ADAMTSL3: variants seen among roughly 807,000 people sequenced by gnomAD.
ADAMTSL3 encodes ADAMTS like 3.
ADAMTSL3 carries 128 observed loss-of-function variants against 201.7 expected under a neutral mutation model. The observed-to-expected ratio is 0.63, with a 90% CI of 0.55 to 0.73. ADAMTSL3 has a LOEUF of 0.73. ADAMTSL3 is among the 30% of genes least tolerant of loss of function. The probability of loss-of-function intolerance (pLI) is 0.00; values close to 1 mark genes in which losing one functional copy is unlikely to be tolerated. For missense variants in ADAMTSL3, 1,990 were observed against 2,119.6 expected (o/e 0.94, Z 1.20); for synonymous variants, 738 against 748.4 (o/e 0.99, Z 0.23).
chr15:83,775,180 C>T (rs1021523282), intron 4 of ADAMTSL3, among the ~76,000 whole-genome samples: 2 of 152,094 alleles, frequency 1.3e-5, no homozygotes, highest in South Asian at 4.1e-4. Flanking sequence ...AGTTCTTTCC[C>T]ACTGCTGGCC....
At chr15:83,813,516 A>G (rs867724581) in intron 5 of ADAMTSL3, among the ~76,000 whole-genome samples, 3 of 152,358 alleles carry the variant, frequency 2.0e-5, no homozygotes, top group Middle Eastern at 3.4e-3. Flanking sequence ...GATGAAGATG[A>G]AGAAATTCCA....
chr15:83,905,803 C>A (rs1414197694), intron 15 of ADAMTSL3, among the ~76,000 whole-genome samples: 1 of 152,094 alleles, frequency 6.6e-6, no homozygotes, highest in Non-Finnish European at 1.5e-5. Context: ...GTCAAATTTC[C>A]TTTTAGAGAG....
intron 19 of ADAMTSL3, among the ~76,000 whole-genome samples, chr15:83,950,278 T>A (rs1389076098): frequency 6.6e-6 from 1 of 152,084 alleles, no homozygotes; most frequent in East Asian, 1.9e-4. Flanking sequence ...TTCCCCAATG[T>A]ATGATCTTGG....
intron 3 of ADAMTSL3, among the ~76,000 whole-genome samples, chr15:83,724,043 G>A (rs555864433): frequency 8.4e-4 from 126 of 150,504 alleles, no homozygotes; most frequent in Non-Finnish European, 1.6e-3. Flanking sequence ...TCTACTCCTG[G>A]TTCTGATTTC....
intron 2 of ADAMTSL3, among the ~76,000 whole-genome samples, chr15:83,675,525 A>C (rs2061390888): frequency 6.6e-6 from 1 of 151,038 alleles, no homozygotes; most frequent in Non-Finnish European, 1.5e-5. Context: ...AATTCTATTT[A>C]CTAATATTTT....
intron 20 of ADAMTSL3, among the ~76,000 whole-genome samples, chr15:83,978,782 C>A (rs2067333970): frequency 6.6e-6 from 1 of 152,196 alleles, no homozygotes; most frequent in South Asian, 2.1e-4. Context: ...GAGCAATGGC[C>A]AAAGCAGAGT....
chr15:84,018,226 A>G (rs2068123119), intron 25 of ADAMTSL3, among the ~76,000 whole-genome samples: 1 of 152,254 alleles, frequency 6.6e-6, no homozygotes, highest in Non-Finnish European at 1.5e-5. Context: ...ACACAAACAC[A>G]TGCCCAAATA....
At chr15:83,794,232 T>C (rs1001000673) in intron 4 of ADAMTSL3, among the ~76,000 whole-genome samples, 5 of 152,226 alleles carry the variant, frequency 3.3e-5, no homozygotes, top group African/African-American at 9.7e-5. Flanking sequence ...ATACAGCCAT[T>C]CTGGAAAATA....
chr15:83,662,487 G>T (rs1263372285), intron 2 of ADAMTSL3, among the ~76,000 whole-genome samples: 2 of 149,140 alleles, frequency 1.3e-5, no homozygotes, highest in Admixed American at 1.3e-4. Flanking sequence ...GAGTTAGTGG[G>T]TTCAGCGCAC....
chr15:83,690,141 C>A (rs907892124), intron 2 of ADAMTSL3, among the ~76,000 whole-genome samples: 1 of 152,126 alleles, frequency 6.6e-6, no homozygotes, highest in Non-Finnish European at 1.5e-5. Context: ...ATCCTCATTG[C>A]CCCATCATTT....
chr15:83,991,449 C>T (rs2067581584), intron 23 of ADAMTSL3, among the ~76,000 whole-genome samples: 1 of 152,216 alleles, frequency 6.6e-6, no homozygotes, highest in African/African-American at 2.4e-5. Context: ...CCAGTGTGGA[C>T]TGTGACTGCC....
Position 83,823,972 on chromosome 15 carries a change from T to TCATCTTCTTCTCCTCCTC in ADAMTSL3, c.600+3926_600+3927insATCTTCTTCTCCTCCTCC, listed in dbSNP as rs1567170043. Among the ~76,000 whole-genome samples, 11 of 71,214 alleles carry TCATCTTCTTCTCCTCCTC rather than the reference T, an allele frequency of 1.5e-4. 1 individual carries two copies. In the South Asian group the frequency reaches 1.8e-3, roughly 11 times the overall value. The allele number at this position is 71,214 out of a possible 152,430, so 46.7% of individuals were successfully genotyped here. Reference sequence around the variant, plus strand: ...TTCTTCTTCTTCTTCTTCTTCTTCTTCTCCTCCTCCTCCTCCTCCTTCTCC... The same window carrying TCATCTTCTTCTCCTCCTC: ...TTCTTCTTCTTCTTCTTCTTCTTCTTCATCTTCTTCTCCTCCTCCTCCTCCTCCTCCTCCTCCTTCTCC... On this transcript the variant is annotated intron_variant, in intron 6 of 29. Coordinates refer to ENST00000286744, the MANE Select transcript of ADAMTSL3 (RefSeq NM_207517.3).
At chr15:83,704,003 CAAA>C (rs373378778) in intron 2 of ADAMTSL3, among the ~76,000 whole-genome samples, 6 of 127,802 alleles carry the variant, frequency 4.7e-5, no homozygotes, top group Non-Finnish European at 8.1e-5. Context: ...ACTCCTTTGC[CAAA>C]AAAAAAAAAA....
chr15:83,672,502 T>C (rs1302361302), intron 2 of ADAMTSL3, among the ~76,000 whole-genome samples: 1 of 152,090 alleles, frequency 6.6e-6, no homozygotes, highest in East Asian at 1.9e-4. Flanking sequence ...GGTGTGCAGA[T>C]TGTAGATCGT....
rs759090787 is a variant in ADAMTSL3, at chr15:83,823,893, C to CTCT, written c.600+3925_600+3927dup. 8.5e-3 allele frequency among the ~76,000 whole-genome samples: 792 copies of CTCT among 92,974 alleles called. 20 individuals carry two copies. The highest frequency in any genetic ancestry group is 0.014 in the South Asian group (30 of 2,154). The allele number at this position is 92,974 out of a possible 152,430, so 61.0% of individuals were successfully genotyped here. A position where few individuals can be genotyped will look rare whatever the true frequency, so the allele number is the denominator to read the frequency against. ...AGACTCCATTTCCTTCTTCTTCTTC[C>CTCT]TCTTCTTCTTCTTCTTCTTCTTCTT... On this transcript the variant is annotated intron_variant, in intron 6 of 29. Coordinates refer to ENST00000286744, the MANE Select transcript of ADAMTSL3 (RefSeq NM_207517.3).
intron 2 of ADAMTSL3, among the ~76,000 whole-genome samples, chr15:83,679,004 TTC>T (rs2061444405): frequency 1.3e-5 from 2 of 151,172 alleles, no homozygotes; most frequent in Non-Finnish European, 3.0e-5. Context: ...GCCTCAGATG[TTC>T]TGTTTATTTT....
intron 3 of ADAMTSL3, among the ~76,000 whole-genome samples, chr15:83,765,765 T>C (rs1567130253): frequency 6.6e-6 from 1 of 152,216 alleles, no homozygotes; most frequent in Non-Finnish European, 1.5e-5. Context: ...TATGATTTCC[T>C]AAGAGATCCT....
intron 16 of ADAMTSL3, among the ~76,000 whole-genome samples, chr15:83,920,687 G>A (rs922781334): frequency 2.0e-5 from 3 of 152,238 alleles, no homozygotes; most frequent in African/African-American, 7.2e-5. Flanking sequence ...AGCATTATAC[G>A]TGCCCACACT....
intron 17 of ADAMTSL3, among the ~76,000 whole-genome samples, chr15:83,928,584 C>G (rs751046461): frequency 1.3e-4 from 20 of 152,126 alleles, no homozygotes; most frequent in Non-Finnish European, 2.6e-4. Flanking sequence ...ATGAAACTCT[C>G]AGTTTTATTT....
Sources: gnomAD v4.1 joint callset for allele counts (sites outside exome capture counted in the v4.1 genomes callset) on GRCh38, gnomAD v4.1.1 for gene constraint, MANE v1.5 for transcripts, NCBI Gene and HGNC (gene_info 2026-07-23, HGNC 2026-07-21) for gene names.